The following NMNAT3 variants were observed in gnomAD, a reference collection of about 807,000 sequenced individuals.
The protein encoded by NMNAT3 is nicotinamide/nicotinic acid mononucleotide adenylyltransferase 3.
In NMNAT3, 21 loss-of-function variants were observed where a neutral mutation model predicts 24.8. That is an observed-to-expected ratio of 0.85 (90% CI 0.60 to 1.22). The LOEUF (loss-of-function observed/expected upper bound fraction) is 1.22, where lower values mean the gene tolerates loss of function less well. Among genes scored for constraint, NMNAT3 ranks in the 50% most tolerant of loss-of-function variants. The pLI, the probability that NMNAT3 is intolerant of heterozygous loss-of-function variation, is 0.00. For missense variants in NMNAT3, 387 were observed against 436.6 expected (o/e 0.89, Z 1.01); for synonymous variants, 136 against 155.2 (o/e 0.88, Z 0.92).
intron 1 of NMNAT3, among the ~76,000 whole-genome samples, chr3:139,661,878 C>T (rs73220978): frequency 1.6e-4 from 24 of 152,262 alleles, no homozygotes; most frequent in Non-Finnish European, 3.1e-4. Flanking sequence ...TCTTACTTTA[C>T]CACAATATGA....
chr3:139,570,615 C>T (rs1186672980), intron 6 of NMNAT3: 2 of 152,482 alleles, frequency 1.3e-5, no homozygotes, highest in Non-Finnish European at 2.9e-5. Context: ...CCCCTCCAGA[C>T]CCCGTTTGCC....
At position 139,596,953 on chromosome 3, in the gene NMNAT3, TATATATATATA is replaced by T. The variant is rs1559891216; in HGVS notation, c.110-13756_110-13746del. Among the ~76,000 whole-genome samples the T allele has an allele frequency of 2.8e-3, 296 of 106,696 alleles. 1 individual carries two copies. The highest frequency in any genetic ancestry group is 0.012 in the African/African-American group (273 of 23,162). 70.0% of individuals were successfully genotyped at this position (106,696 alleles called of 152,430 possible). On this transcript the variant is annotated intron_variant, in intron 3 of 6. Coordinates refer to ENST00000643695, the MANE Select transcript of NMNAT3 (RefSeq NM_001320510.2). ...ATATATATATATATATATATATATA[TATATATATATA>T]TTTTTATTACATTGCATTACAACCA...
intron 5 of NMNAT3, among the ~76,000 whole-genome samples, chr3:139,577,352 T>A (rs1184546287): frequency 6.6e-6 from 1 of 152,222 alleles, no homozygotes; most frequent in Non-Finnish European, 1.5e-5. Context: ...TTTGCCTACA[T>A]CATCTCATTT....
At chr3:139,608,419 A>G (rs10804666) in intron 3 of NMNAT3, among the ~76,000 whole-genome samples, 114,678 of 152,080 alleles carry the variant, frequency 0.75, 44,720 homozygotes, top group South Asian at 0.86. Context: ...TACTTCACAC[A>G]ACTGTTTTGA....
At chr3:139,609,409 A>AT (rs1050072397) in intron 3 of NMNAT3, among the ~76,000 whole-genome samples, 6 of 152,084 alleles carry the variant, frequency 3.9e-5, no homozygotes, top group South Asian at 2.1e-4. Flanking sequence ...TGGTGTTGCC[A>AT]TTTTTTATCT....
chr3:139,651,976 G>A (rs750869183), intron 1 of NMNAT3, among the ~76,000 whole-genome samples: 20 of 152,160 alleles, frequency 1.3e-4, no homozygotes, highest in Non-Finnish European at 2.6e-4. Context: ...AGCATATCTG[G>A]AGCCCACTCC....
At chr3:139,600,758 T>C (rs2054677111) in intron 3 of NMNAT3, among the ~76,000 whole-genome samples, 1 of 152,164 alleles carries the variant, frequency 6.6e-6, no homozygotes, top group Admixed American at 6.5e-5. Flanking sequence ...CATGTGGCAC[T>C]GGTTGGCTGG....
intron 3 of NMNAT3, among the ~76,000 whole-genome samples, chr3:139,613,472 AAGTC>A (rs975082952): frequency 6.6e-6 from 1 of 152,236 alleles, no homozygotes; most frequent in Non-Finnish European, 1.5e-5. Flanking sequence ...AATCATTAAA[AAGTC>A]AGGGAACAAC....
intron 3 of NMNAT3, among the ~76,000 whole-genome samples, chr3:139,603,991 A>G (rs1438406449): frequency 2.6e-5 from 4 of 152,242 alleles, no homozygotes; most frequent in African/African-American, 9.6e-5. Flanking sequence ...CCCAATAGCC[A>G]TCAAGTGGAA....
intron 3 of NMNAT3, among the ~76,000 whole-genome samples, chr3:139,591,380 C>G (rs1306179298): frequency 3.3e-5 from 5 of 152,084 alleles, no homozygotes; most frequent in East Asian, 1.9e-4. Flanking sequence ...AAGGCGGCAA[C>G]GAGGCTCGGG....
At chr3:139,597,312 A>G (rs2054527526) in intron 3 of NMNAT3, among the ~76,000 whole-genome samples, 1 of 152,102 alleles carries the variant, frequency 6.6e-6, no homozygotes, top group South Asian at 2.1e-4. Flanking sequence ...GCATAAAAAA[A>G]ATCCCCAAGT....
At chr3:139,653,248 T>A (rs1268065987) in intron 1 of NMNAT3, among the ~76,000 whole-genome samples, 1 of 152,164 alleles carries the variant, frequency 6.6e-6, no homozygotes, top group African/African-American at 2.4e-5. Context: ...AAGGTGTGTG[T>A]GTGTTTCTTA....
chr3:139,666,415 G>A (rs9822952), intron 1 of NMNAT3, among the ~76,000 whole-genome samples: 109,696 of 152,076 alleles, frequency 0.72, 40,046 homozygotes, highest in East Asian at 0.82. Context: ...GCTGCCAGCC[G>A]CCATCAATTG....
intron 3 of NMNAT3, among the ~76,000 whole-genome samples, chr3:139,613,512 T>C (rs1485478328): frequency 6.6e-6 from 1 of 152,138 alleles, no homozygotes; most frequent in Non-Finnish European, 1.5e-5. Flanking sequence ...TGTGGAGAAA[T>C]ACGTACACTT....
chr3:139,603,537 A>G (rs1439867430), intron 3 of NMNAT3, among the ~76,000 whole-genome samples: 1 of 152,180 alleles, frequency 6.6e-6, no homozygotes, highest in Non-Finnish European at 1.5e-5. Context: ...TGCCACCATC[A>G]TCAAATCATG....
chr3:139,654,566 C>A (rs1022742944), intron 1 of NMNAT3, among the ~76,000 whole-genome samples: 2 of 152,166 alleles, frequency 1.3e-5, no homozygotes, highest in African/African-American at 4.8e-5. Context: ...GGTACAGAGG[C>A]AAAACTATTA....
intron 6 of NMNAT3, chr3:139,571,967 C>T: frequency 5.1e-6 from 2 of 395,202 alleles, no homozygotes; most frequent in Middle Eastern, 6.3e-4. Context: ...CACACTTATG[C>T]TATCTCCTGC....
At chr3:139,627,250 C>G (rs939415685) in intron 3 of NMNAT3, among the ~76,000 whole-genome samples, 1 of 152,052 alleles carries the variant, frequency 6.6e-6, no homozygotes, top group Non-Finnish European at 1.5e-5. Flanking sequence ...TGAAGAGTAT[C>G]AGGAGCTTTC....
rs541430789 is a variant in NMNAT3 at position 139,665,367 on chromosome 3, T to C, written c.-141+12338A>G. On this transcript the variant is annotated intron_variant, in intron 1 of 6. Coordinates refer to ENST00000643695, the MANE Select transcript of NMNAT3 (RefSeq NM_001320510.2). ...TTTGCCTCCCTCCCTCCTTCTTCCC[T>C]CCTTGGCACAGACGTCTTCGGCAAA... Among the ~76,000 whole-genome samples, 165 of 152,238 alleles carry C rather than the reference T, an allele frequency of 1.1e-3. 1 individual carries two copies. The highest frequency in any genetic ancestry group is 3.8e-3 in the African/African-American group (159 of 41,546).
Sources: allele counts gnomAD v4.1 joint callset (sites outside exome capture counted in the v4.1 genomes callset), GRCh38; gene constraint gnomAD v4.1.1; transcripts MANE v1.5; gene names NCBI Gene and HGNC (gene_info 2026-07-23, HGNC 2026-07-21).